Variants in ABR observed in about 807,000 individuals in gnomAD.
ABR encodes the protein active breakpoint cluster region-related protein.
In ABR, 35 loss-of-function variants were observed where a neutral mutation model predicts 107.2. The ratio of observed to expected loss-of-function variants is 0.33; its 90% CI spans 0.25 to 0.43. ABR has a LOEUF of 0.43. Ranked by LOEUF, ABR falls within the 20% of genes least tolerant of loss-of-function variation. The pLI, the probability that ABR is intolerant of heterozygous loss-of-function variation, is 1.00. For synonymous variants in ABR, 498 were observed against 462.0 expected (o/e 1.08, Z -1.00); for missense variants, 815 against 1,115.2 (o/e 0.73, Z 3.83).
chr17:1,117,183 G>A (rs1201408935), intron 2 of ABR, among the ~76,000 whole-genome samples: 1 of 38,044 alleles, frequency 2.6e-5, no homozygotes. Context: ...TCCTCCCAGC[G>A]TTATCCCTGA....
chr17:1,030,073 G>C (rs1048595136), intron 16 of ABR, among the ~76,000 whole-genome samples: 2 of 152,220 alleles, frequency 1.3e-5, no homozygotes, highest in South Asian at 4.1e-4. Flanking sequence ...ATAGCCCGGC[G>C]TCTGCCTGGC....
At chr17:1,012,574 G>A (rs914679335) in intron 18 of ABR, 114 bp downstream of exon 18, 2 of 786,640 alleles carry the variant, frequency 2.5e-6, no homozygotes, top group Admixed American at 2.0e-5. Context: ...CCGCCGAGCG[G>A]GGGGTAACTG....
At chr17:1,175,857 C>T (rs1309084775) in intron 1 of ABR, among the ~76,000 whole-genome samples, 3 of 151,974 alleles carry the variant, frequency 2.0e-5, no homozygotes, top group Non-Finnish European at 2.9e-5. Context: ...TTTGGGAGGC[C>T]GAGGCGGGTG....
intron 9 of ABR, among the ~76,000 whole-genome samples, chr17:1,068,990 A>G (rs1016950545): frequency 3.9e-5 from 6 of 152,246 alleles, no homozygotes; most frequent in African/African-American, 1.4e-4. Context: ...TATTCACAGC[A>G]CTGCAGTTAG....
chr17:1,111,996 C>CAGAGG (rs1176388813), intron 2 of ABR, among the ~76,000 whole-genome samples: 1 of 151,790 alleles, frequency 6.6e-6, no homozygotes, highest in Non-Finnish European at 1.5e-5. Context: ...CGCCATCTTA[C>CAGAGG]GAGTCTTCCT....
At chr17:1,203,167 T>C (rs143450452) in intron 1 of ABR, among the ~76,000 whole-genome samples, 1,641 of 152,268 alleles carry the variant, frequency 0.011, 29 homozygotes, top group African/African-American at 0.037. Context: ...ATGACAGGCG[T>C]GAGCCATCGC....
At chr17:1,178,265 G>A (rs144760973) in intron 1 of ABR, among the ~76,000 whole-genome samples, 187 of 150,900 alleles carry the variant, frequency 1.2e-3, no homozygotes, top group African/African-American at 4.5e-3. Context: ...AGGAACTCTA[G>A]CTGGGATGAC....
Position 1,050,194 on chromosome 17 carries a change from G to A in ABR, c.1660-13C>T. 6.2e-7 allele frequency: 1 copy of A among 1,609,202 alleles called. No individual in the cohort carries two copies. The highest frequency in any genetic ancestry group is 1.3e-5 in the African/African-American group (1 of 74,916). On this transcript the variant is annotated splice_polypyrimidine_tract_variant and intron_variant, in intron 15 of 22. Coordinates refer to ENST00000302538, the MANE Select transcript of ABR (RefSeq NM_021962.5). The surrounding 1 kb of genome is among the most constrained non-coding windows in gnomAD (Gnocchi z 4.6). Reference sequence around the variant, plus strand: ...CGATCTCAAACTCCTGGGGAAAGATGGGACAAAGGGCCCTGAACCTCCGAA... The same window carrying A: ...CGATCTCAAACTCCTGGGGAAAGATAGGACAAAGGGCCCTGAACCTCCGAA...
At chr17:1,197,060 C>G (rs1278310286) in intron 1 of ABR, among the ~76,000 whole-genome samples, 1 of 151,540 alleles carries the variant, frequency 6.6e-6, no homozygotes, top group Non-Finnish European at 1.5e-5. Flanking sequence ...CCGGGAACCC[C>G]GGCTCCCCTG....
At position 1,009,872 on chromosome 17, in the gene ABR, G is replaced by C; in HGVS notation, c.2237-88C>G. ...GTCGTGAGGCTGTGGGCCCCTGCGG[G>C]AGAGAGCCCAGGCTTCCAGGCCTTT... is the stretch of plus-strand genomic sequence containing the variant. On this transcript the variant is annotated intron_variant, in intron 20 of 22. Coordinates refer to ENST00000302538, the MANE Select transcript of ABR (RefSeq NM_021962.5). 3 of 1,207,648 alleles carry C rather than the reference G, an allele frequency of 2.5e-6. No individual in the cohort carries two copies. In the South Asian group the frequency reaches 3.7e-5, roughly 15 times the overall value. The allele number at this position is 1,207,648 out of a possible 1,614,324, so 74.8% of individuals were successfully genotyped here.
chr17:1,059,626 C>T (rs574408118), intron 10 of ABR, among the ~76,000 whole-genome samples: 4 of 152,320 alleles, frequency 2.6e-5, no homozygotes, highest in African/African-American at 7.2e-5. Flanking sequence ...CAGCCTCCCC[C>T]TCTCACCAGA....
At chr17:1,116,168 C>T (rs1315373477) in intron 2 of ABR, among the ~76,000 whole-genome samples, 1 of 152,012 alleles carries the variant, frequency 6.6e-6, no homozygotes, top group Non-Finnish European at 1.5e-5. Flanking sequence ...TGCAATGAGC[C>T]GAGATTGCGC....
intron 2 of ABR, among the ~76,000 whole-genome samples, chr17:1,107,363 G>T (rs1416301110): frequency 1.3e-5 from 2 of 152,244 alleles, no homozygotes; most frequent in Admixed American, 1.3e-4. Flanking sequence ...ACAGGCACCA[G>T]CCCCACACCA....
rs2042032602 is a variant in ABR, at chr17:1,179,284, G to A, written c.61+383C>T. Among the ~76,000 whole-genome samples, 1 of 152,086 alleles carries A rather than the reference G, an allele frequency of 6.6e-6. No individual in the cohort carries two copies. The highest frequency in any genetic ancestry group is 2.4e-5 in the African/African-American group (1 of 41,512). On this transcript the variant is annotated intron_variant, in intron 1 of 22. Coordinates refer to ENST00000302538, the MANE Select transcript of ABR (RefSeq NM_021962.5). The surrounding 1 kb of genome is among the most constrained non-coding windows in gnomAD (Gnocchi z 4.9). ...TTCAGCCTGGACAGAGAAGCTGCCG[G>A]TCCAGGGGCGGGGGCAGCACCCAGA... is the stretch of plus-strand genomic sequence containing the variant.
intron 16 of ABR, among the ~76,000 whole-genome samples, chr17:1,038,479 G>A (rs967499201): frequency 3.3e-5 from 5 of 152,198 alleles, no homozygotes; most frequent in South Asian, 2.1e-4. Context: ...TGGGTCAGGC[G>A]GGTGTGTCTG....
intron 1 of ABR, among the ~76,000 whole-genome samples, chr17:1,156,345 GA>G (rs994069359): frequency 1.6e-3 from 233 of 148,780 alleles, no homozygotes; most frequent in African/African-American, 5.4e-3. Flanking sequence ...TTCATGTGAA[GA>G]AAAAAAAAAG....
chr17:1,018,286 C>T (rs1419462898), intron 16 of ABR, among the ~76,000 whole-genome samples: 10 of 152,134 alleles, frequency 6.6e-5, no homozygotes, highest in East Asian at 1.9e-4. Context: ...TCGTGATTCG[C>T]CCACCTCGGC....
At chr17:1,137,498 CG>C (rs1567813651) in intron 1 of ABR, among the ~76,000 whole-genome samples, 2 of 152,064 alleles carry the variant, frequency 1.3e-5, no homozygotes, top group African/African-American at 2.4e-5. Flanking sequence ...GGCTGGTGGG[CG>C]GAACAGCCAG....
intron 2 of ABR, among the ~76,000 whole-genome samples, chr17:1,110,913 G>C (rs1386263345): frequency 6.6e-6 from 1 of 152,152 alleles, no homozygotes; most frequent in Non-Finnish European, 1.5e-5. Context: ...GCATCTGAAG[G>C]GCCCTTTCAG....
Sources: gnomAD v4.1 joint callset for allele counts (sites outside exome capture counted in the v4.1 genomes callset) on GRCh38, gnomAD v4.1.1 for gene constraint, Gnocchi (gnomAD v3.1) non-coding constraint, MANE v1.5 for transcripts, NCBI Gene and HGNC (gene_info 2026-07-23, HGNC 2026-07-21) for gene names.